The following HDAC9 variants were observed in gnomAD, a reference collection of about 807,000 sequenced individuals.
HDAC9 encodes the protein MEF-2 interacting transcription repressor (MITR) protein.
In HDAC9, 41 loss-of-function variants were observed where a neutral mutation model predicts 139.4. That is an observed-to-expected ratio of 0.29 (90% CI 0.23 to 0.38). The LOEUF (loss-of-function observed/expected upper bound fraction) is 0.38. Ranked by LOEUF, HDAC9 falls within the 10% of genes least tolerant of loss-of-function variation. The probability of loss-of-function intolerance (pLI) is 1.00; values close to 1 mark genes in which losing one functional copy is unlikely to be tolerated. For missense variants in HDAC9, 1,147 were observed against 1,297.0 expected, an observed-to-expected ratio of 0.88 and a Z score of 1.78; for synonymous variants, 517 against 476.2, an observed-to-expected ratio of 1.09 and a Z score of -1.12.
At position 18,503,840 on chromosome 7, in the gene HDAC9, T is replaced by A. The variant is rs1799039356; in HGVS notation, c.22+7516T>A. On this transcript the variant is annotated intron_variant, in intron 2 of 25. Transcript: ENST00000686413. ...CCCAGTTGCAGCCATGTGGATGTTA[T>A]TTTCAATTTGCTTGAGGTACATTTT... Among the ~76,000 whole-genome samples the A allele has an allele frequency of 4.6e-5, 7 of 152,340 alleles. No individual in the cohort carries two copies. The South Asian group carries it at 1.4e-3, about 32-fold the overall frequency.
intron 14 of HDAC9, among the ~76,000 whole-genome samples, chr7:18,753,171 A>G (rs1039118482): frequency 5.5e-4 from 83 of 152,262 alleles, no homozygotes; most frequent in African/African-American, 1.9e-3. Flanking sequence ...AGCAGGCATT[A>G]ATTAGACAAT....
chr7:18,478,867 A>C (rs183234263), intron 1 of HDAC9, among the ~76,000 whole-genome samples: 1 of 152,030 alleles, frequency 6.6e-6, no homozygotes, highest in Non-Finnish European at 1.5e-5. Flanking sequence ...TTAATTTTCA[A>C]TTTTCTGATT....
chr7:18,678,388 C>T (rs1365476808), intron 12 of HDAC9, among the ~76,000 whole-genome samples: 1 of 151,742 alleles, frequency 6.6e-6, no homozygotes, highest in East Asian at 1.9e-4. Flanking sequence ...TAGAAAATGT[C>T]AAGTGTTATT....
chr7:18,242,275 G>A (rs1794239552), intron 2 of HDAC9, among the ~76,000 whole-genome samples: 1 of 152,178 alleles, frequency 6.6e-6, no homozygotes, highest in South Asian at 2.1e-4. Flanking sequence ...AAATGAAATT[G>A]TGTGACTTAA....
chr7:18,765,476 C>T (rs1288153477), intron 15 of HDAC9, among the ~76,000 whole-genome samples: 4 of 152,070 alleles, frequency 2.6e-5, no homozygotes, highest in Middle Eastern at 3.4e-3. Context: ...AAAAATTAGC[C>T]AGGCATGGTG....
At chr7:18,460,402 T>C (rs974868122) in intron 1 of HDAC9, among the ~76,000 whole-genome samples, 11 of 152,142 alleles carry the variant, frequency 7.2e-5, no homozygotes, top group African/African-American at 2.7e-4. Context: ...TTTTGTAGAA[T>C]TATGGTAAAT....
chr7:18,322,522 C>T (rs1052409969), intron 1 of HDAC9, among the ~76,000 whole-genome samples: 2 of 152,110 alleles, frequency 1.3e-5, no homozygotes, highest in African/African-American at 4.8e-5. Flanking sequence ...ATACCGCGTC[C>T]CTTATCTTCT....
intron 1 of HDAC9, among the ~76,000 whole-genome samples, chr7:18,479,476 A>G (rs1422070193): frequency 3.9e-5 from 6 of 152,170 alleles, no homozygotes; most frequent in Admixed American, 2.0e-4. Flanking sequence ...TCGTTGGTCT[A>G]TTCTGTTCTC....
chr7:18,984,005 T>C lies in HDAC9; in HGVS notation c.3170+8052T>C, dbSNP rs561618787. Reference sequence around the variant, plus strand: ...TATCACTTCTTCTTCTTGAAAAATATTCACCGACCACTAACCCCCAAATTA... The same window carrying C: ...TATCACTTCTTCTTCTTGAAAAATACTCACCGACCACTAACCCCCAAATTA... On this transcript the variant is annotated intron_variant, in intron 25 of 25. Transcript: ENST00000686413. Among the ~76,000 whole-genome samples, 20 of 152,220 alleles carry C rather than the reference T, an allele frequency of 1.3e-4. No homozygotes were observed. The South Asian group carries it at 2.3e-3, about 17-fold the overall frequency.
intron 25 of HDAC9, among the ~76,000 whole-genome samples, chr7:18,979,579 A>C (rs1361548076): frequency 6.6e-6 from 1 of 152,196 alleles, no homozygotes. Flanking sequence ...TATTATATAA[A>C]TAGCTGCGAA....
chr7:18,376,424 C>G (rs1427676768), intron 1 of HDAC9, among the ~76,000 whole-genome samples: 1 of 152,192 alleles, frequency 6.6e-6, no homozygotes, highest in Non-Finnish European at 1.5e-5. Context: ...CATACTTCCT[C>G]ATGCTTCATA....
intron 12 of HDAC9, among the ~76,000 whole-genome samples, chr7:18,670,688 A>C (rs886789958): frequency 1.3e-5 from 2 of 151,982 alleles, no homozygotes; most frequent in Non-Finnish European, 2.9e-5. Context: ...CCTGTTCTCA[A>C]CCTTTACCAT....
At chr7:18,534,666 G>A (rs1360759634) in intron 2 of HDAC9, among the ~76,000 whole-genome samples, 1 of 152,176 alleles carries the variant, frequency 6.6e-6, no homozygotes, top group Non-Finnish European at 1.5e-5. Flanking sequence ...CTACTTGAAG[G>A]CAACGTGCTT....
chr7:18,615,640 C>T (rs577587206), intron 6 of HDAC9, among the ~76,000 whole-genome samples: 61 of 152,212 alleles, frequency 4.0e-4, no homozygotes, highest in African/African-American at 1.4e-3. Context: ...AATTTTTGTC[C>T]TGGCATTTTT....
chr7:18,596,111 A>G (rs1832416294), intron 6 of HDAC9, among the ~76,000 whole-genome samples: 1 of 152,084 alleles, frequency 6.6e-6, no homozygotes, highest in African/African-American at 2.4e-5. Context: ...GTATTTGATC[A>G]GTATTTCATG....
At chr7:18,530,889 C>T (rs932904690) in intron 2 of HDAC9, among the ~76,000 whole-genome samples, 22 of 151,334 alleles carry the variant, frequency 1.5e-4, no homozygotes, top group Non-Finnish European at 1.9e-4. Flanking sequence ...AAAAATCAAT[C>T]GGTATATAAA....
chr7:18,587,315 G>T (rs1829744483), intron 3 of HDAC9, among the ~76,000 whole-genome samples: 1 of 152,046 alleles, frequency 6.6e-6, no homozygotes, highest in South Asian at 2.1e-4. Context: ...TGAGAAAAAA[G>T]AATTATGAGA....
intron 2 of HDAC9, among the ~76,000 whole-genome samples, chr7:18,508,463 T>C (rs948524404): frequency 1.3e-5 from 2 of 152,184 alleles, no homozygotes; most frequent in African/African-American, 4.8e-5. Flanking sequence ...GGAGAAAGGC[T>C]GTTAGCTATG....
At chr7:18,147,812 G>A (rs1243080094) in intron 1 of HDAC9, among the ~76,000 whole-genome samples, 3 of 151,410 alleles carry the variant, frequency 2.0e-5, no homozygotes, top group Non-Finnish European at 4.4e-5. Context: ...TATTTCATAT[G>A]TTCTTGAACT....
Sources: gnomAD v4.1 joint callset for allele counts (sites outside exome capture counted in the v4.1 genomes callset) on GRCh38, gnomAD v4.1.1 for gene constraint, MANE v1.5 for transcripts, NCBI Gene and HGNC (gene_info 2026-07-23, HGNC 2026-07-21) for gene names.